Variants in ASPH observed in about 807,000 individuals in gnomAD.
ASPH encodes aspartate beta-hydroxylase.
ASPH carries 100 observed loss-of-function variants against 118.4 expected under a neutral mutation model. That is an observed-to-expected ratio of 0.84 (90% CI 0.72 to 1.00). The LOEUF is 1.00. ASPH is among the 50% of genes least tolerant of loss of function. ASPH has a pLI of 0.00. For synonymous variants in ASPH, 315 were observed against 325.6 expected, an observed-to-expected ratio of 0.97 and a Z score of 0.35; for missense variants, 920 against 919.5, an observed-to-expected ratio of 1.00 and a Z score of -0.01.
Position 61,633,701 on chromosome 8 carries a change from G to A in ASPH, c.916C>T (p.Gln306Ter). 1 of 1,599,486 alleles carries A rather than the reference G, an allele frequency of 6.3e-7. No individual in the cohort carries two copies. The highest frequency in any genetic ancestry group is 8.5e-7 in the Non-Finnish European group (1 of 1,172,684). ...EEVSIFPVEE[Q>*]QEVPPETNRK... ...GTCATACCTGGTGGTACTTCCTGCTGTTCTTCCACAGGAAAAATGCTTACT... is the reference window on the plus strand; with the variant it reads ...GTCATACCTGGTGGTACTTCCTGCTATTCTTCCACAGGAAAAATGCTTACT... The change falls in exon 13 of 25, where the codon CAG becomes TAG. Residue 306 changes from glutamine to a stop codon, truncating the protein, a stop_gained. Transcript: ENST00000379454. LOFTEE classifies it high-confidence loss of function.
At chr8:61,665,361 C>T in intron 3 of ASPH, 1 of 1,613,804 alleles carries the variant, frequency 6.2e-7, no homozygotes, top group Non-Finnish European at 8.5e-7. Flanking sequence ...CTAGAAACAT[C>T]CTTCATATTT....
chr8:61,653,827 C>G (rs548574594), intron 3 of ASPH, among the ~76,000 whole-genome samples, 167 bp from the exon 4 acceptor site: 1 of 152,330 alleles, frequency 6.6e-6, no homozygotes, highest in Admixed American at 6.5e-5. Context: ...TGCTCTTCAA[C>G]TTCACATGAG....
intron 3 of ASPH, among the ~76,000 whole-genome samples, chr8:61,678,652 A>G (rs1270823828): frequency 1.3e-5 from 2 of 152,086 alleles, no homozygotes; most frequent in African/African-American, 2.4e-5. Context: ...AGAAAAAAAA[A>G]CTGATGAAAT....
rs752570668 is a variant in ASPH, at chr8:61,638,348, A to G, written c.806T>C (p.Leu269Pro). The change falls in exon 11 of 25, where the codon CTA becomes CCA. Residue 269 changes from leucine (L) to proline (P), a missense_variant. Leu to Pro is a moderately conservative substitution (Grantham distance 98). Transcript: ENST00000379454. The stretch of plus-strand genomic sequence containing the variant: ...TGTGATTTCTATCCCTTCATTTTCT[A>G]GAGGTTCATATACTGCTAAAAAAAA... ...VYEEQAVYEP[L>P]ENEGIEITEV... is the part of the protein sequence containing the mutation. 3 of 1,593,506 alleles carry G rather than the reference A, an allele frequency of 1.9e-6. No homozygotes were observed. The Admixed American group carries it at 5.4e-5, about 29-fold the overall frequency.
At chr8:61,602,643 A>T (rs1482236907) in intron 14 of ASPH, among the ~76,000 whole-genome samples, 1 of 151,262 alleles carries the variant, frequency 6.6e-6, no homozygotes, top group Non-Finnish European at 1.5e-5. Context: ...CCTTAAGTGG[A>T]TCAGTGGCTG....
At chr8:61,606,556 G>T (rs1299885760) in intron 14 of ASPH, 1 of 152,078 alleles carries the variant, frequency 6.6e-6, no homozygotes, top group Non-Finnish European at 1.5e-5. Flanking sequence ...CACCCCAAAG[G>T]TTTCAGATAA....
chr8:61,553,085 A>G lies in ASPH; in HGVS notation c.1572T>C (p.Asp524=), dbSNP rs1363861828. The change falls in exon 20 of 25, where the codon GAT becomes GAC. Residue 524 remains aspartate, a synonymous_variant. Transcript: ENST00000379454. ...CCCCCAGGTGGAAATAAAATCTCCC[A>G]TCATCAGTGCCAGGATCTCCGGATT... is the stretch of plus-strand genomic sequence containing the variant. ...GIESGDPGTD[D]GRFYFHLGDA... is the part of the protein sequence containing the mutation. The G allele has an allele frequency of 6.2e-7, 1 of 1,613,716 alleles. No homozygotes were observed. Among genetic ancestry groups the G allele is most frequent in the Non-Finnish European group, 8.5e-7 (1 of 1,179,704 alleles).
chr8:61,666,325 A>G (rs371685516), intron 3 of ASPH, among the ~76,000 whole-genome samples: 2 of 152,194 alleles, frequency 1.3e-5, no homozygotes, highest in East Asian at 1.9e-4. Flanking sequence ...ACACACAGCT[A>G]ATTCCAAATC....
At chr8:61,613,533 A>G (rs534840254) in intron 14 of ASPH, among the ~76,000 whole-genome samples, 16 of 152,336 alleles carry the variant, frequency 1.1e-4, no homozygotes. Context: ...TCTAGAAATT[A>G]AAAGGAAAAT....
intron 10 of ASPH, among the ~76,000 whole-genome samples, chr8:61,638,789 T>C (rs1277775916): frequency 6.6e-6 from 1 of 152,106 alleles, no homozygotes; most frequent in East Asian, 1.9e-4. Flanking sequence ...CCACCCTAAT[T>C]AGGGCGTGCT....
chr8:61,607,457 G>T, intron 14 of ASPH: 1 of 563,678 alleles, frequency 1.8e-6, no homozygotes, highest in Non-Finnish European at 3.2e-6. Flanking sequence ...CTCAACAAAT[G>T]TATTTATAAT....
At chr8:61,609,217 A>C (rs1470480280) in intron 14 of ASPH, among the ~76,000 whole-genome samples, 2 of 152,092 alleles carry the variant, frequency 1.3e-5, no homozygotes, top group Non-Finnish European at 2.9e-5. Context: ...CTATTCCAGT[A>C]CTTTGAGGAT....
At chr8:61,654,204 T>C (rs1367853252) in intron 3 of ASPH, among the ~76,000 whole-genome samples, 1 of 152,052 alleles carries the variant, frequency 6.6e-6, no homozygotes, top group Non-Finnish European at 1.5e-5. Context: ...CTAAAACATA[T>C]GAAAATTTAA....
intron 22 of ASPH, 127 bp downstream of exon 22, chr8:61,525,849 GT>G (rs1455652304): frequency 6.7e-5 from 90 of 1,337,582 alleles, no homozygotes; most frequent in South Asian, 2.9e-5. Flanking sequence ...AAAAATCTAG[GT>G]TTTTTTGGGC....
rs530627370 is a variant in ASPH at position 61,693,190 on chromosome 8, C to T, written c.104-9002G>A. Among the ~76,000 whole-genome samples the T allele has an allele frequency of 8.9e-4, 135 of 152,212 alleles. 1 individual carries two copies. Among genetic ancestry groups the T allele is most frequent in the African/African-American group, 3.2e-3 (134 of 41,548 alleles). The stretch of plus-strand genomic sequence containing the variant: ...TGGCCAGCTAGACAGGTGCTTTTTG[C>T]TTCATTTCTTCATCCCCAGAGACCT... On this transcript the variant is annotated intron_variant, in intron 1 of 24. Coordinates refer to ENST00000379454, the MANE Select transcript of ASPH (RefSeq NM_004318.4).
chr8:61,601,409 C>T (rs745860990), intron 14 of ASPH, among the ~76,000 whole-genome samples: 21 of 150,782 alleles, frequency 1.4e-4, no homozygotes, highest in Admixed American at 5.3e-4. Context: ...GGCGTGGTGG[C>T]GGGTGCCTGT....
intron 14 of ASPH, among the ~76,000 whole-genome samples, chr8:61,591,149 T>C (rs917957632): frequency 2.0e-5 from 3 of 152,222 alleles, no homozygotes; most frequent in Non-Finnish European, 2.9e-5. Context: ...GCCTGTCCTA[T>C]AGGAAATCCT....
At chr8:61,506,991 A>C in intron 24 of ASPH, among the ~76,000 whole-genome samples, 1 of 152,188 alleles carries the variant, frequency 6.6e-6, no homozygotes, top group Non-Finnish European at 1.5e-5. Context: ...ACTACTTAAA[A>C]CACTAGAAGT....
At chr8:61,602,800 T>C (rs980331227) in intron 14 of ASPH, among the ~76,000 whole-genome samples, 3 of 151,916 alleles carry the variant, frequency 2.0e-5, no homozygotes, top group Non-Finnish European at 4.4e-5. Flanking sequence ...TATCAAACTG[T>C]ATGCTTTAGG....
Sources: gnomAD v4.1 joint callset for allele counts (sites outside exome capture counted in the v4.1 genomes callset) on GRCh38, gnomAD v4.1.1 for gene constraint, MANE v1.5 for transcripts, NCBI Gene and HGNC (gene_info 2026-07-23, HGNC 2026-07-21) for gene names.